The following BTNL9 variants were observed in gnomAD, a reference collection of about 807,000 sequenced individuals.
The protein encoded by BTNL9 is butyrophilin like 9, also known as butyrophilin-like protein 9.
In BTNL9, 45 loss-of-function variants were observed where a neutral mutation model predicts 45.8. That is an observed-to-expected ratio of 0.98 (90% CI 0.77 to 1.26). BTNL9 has a LOEUF of 1.26. BTNL9 is among the 50% of genes most tolerant of loss of function. The probability of loss-of-function intolerance (pLI) is 0.00; values close to 1 mark genes in which losing one functional copy is unlikely to be tolerated. For missense variants in BTNL9, 784 were observed against 729.7 expected, an observed-to-expected ratio of 1.07 and a Z score of -0.86; for synonymous variants, 346 against 330.8, an observed-to-expected ratio of 1.05 and a Z score of -0.50.
Position 181,053,671 on chromosome 5 carries a change from T to C in BTNL9, c.886+170T>C. On this transcript the variant is annotated intron_variant, in intron 6 of 10. Coordinates refer to ENST00000327705, the MANE Select transcript of BTNL9 (RefSeq NM_152547.5). The surrounding 1 kb of genome is among the most constrained non-coding windows in gnomAD (Gnocchi z 6.5). ...TGGGGAAGGGGGAAGATCGTTCATA[T>C]GGACAAAAGCGGAGGTGCGGAACGG... 6.6e-7 allele frequency: 1 copy of C among 1,525,558 alleles called. No homozygotes were observed. Among genetic ancestry groups the C allele is most frequent in the Non-Finnish European group, 8.8e-7 (1 of 1,133,416 alleles). The allele number at this position is 1,525,558 out of a possible 1,614,324, so 94.5% of individuals were successfully genotyped here.
At position 181,048,039 on chromosome 5, in the gene BTNL9, G is replaced by A. The variant is rs377375248; in HGVS notation, c.222G>A (p.Trp74Ter). 6.2e-7 allele frequency: 1 copy of A among 1,613,784 alleles called. No individual in the cohort carries two copies. Among genetic ancestry groups the A allele is most frequent in the South Asian group, 1.1e-5 (1 of 91,068 alleles). Residue 74 changes from tryptophan (W) to a stop codon, truncating the protein, a stop_gained, in exon 3 of 11, where the codon TGG (tryptophan) becomes TGA (stop). Coordinates refer to ENST00000327705, the MANE Select transcript of BTNL9 (RefSeq NM_152547.5). LOFTEE classifies it high-confidence loss of function. Reference sequence around the variant, plus strand: ...ATGCCCAGCAAATGGAGATCCGCTGGTTCCGGAGTCAGACCTTCAATGTGG... The same window carrying A: ...ATGCCCAGCAAATGGAGATCCGCTGATTCCGGAGTCAGACCTTCAATGTGG... ...QLDAQQMEIRWFRSQTFNVVH... is the reference protein window; with the variant it reads ...QLDAQQMEIR
chr5:181,053,285 G>A lies in BTNL9; in HGVS notation c.822G>A (p.Leu274=). 1 of 1,582,594 alleles carries A rather than the reference G, an allele frequency of 6.3e-7. No homozygotes were observed. The highest frequency in any genetic ancestry group is 8.6e-7 in the Non-Finnish European group (1 of 1,166,202). ...TGTTGGTCCTCGCGGCGCTGGCGCT[G>A]GGCGTCCTCCGGAAGCAGCGGAGAA... The part of the protein sequence containing the change: ...PLLLVLAALA[L]GVLRKQRRSR... The change falls in exon 5 of 11, where the codon CTG becomes CTA. Residue 274 remains leucine, a synonymous_variant. Transcript: ENST00000327705. This position sits in a 1 kb window ranked among gnomAD's most constrained non-coding sequence, Gnocchi z 6.5.
At chr5:181,043,542 A>G (rs1475268800) in intron 1 of BTNL9, 1 of 152,172 alleles carries the variant, frequency 6.6e-6, no homozygotes, top group Non-Finnish European at 1.5e-5. Flanking sequence ...TTATGAGCAG[A>G]CCTGTGTCAC....
chr5:181,050,398 TC>T lies in BTNL9; in HGVS notation c.736+31del, dbSNP rs1035179912. 6.8e-6 allele frequency: 11 copies of T among 1,608,584 alleles called. No homozygotes were observed. The African/African-American group carries it at 1.3e-4, about 20-fold the overall frequency. ...AGTGGCTGTTAGCTCACACCCATCT[TC>T]CTAGTCCTCATGTGTACATACACAT... On this transcript the variant is annotated intron_variant, in intron 4 of 10. Transcript: ENST00000327705. This position sits in a 1 kb window ranked among gnomAD's most constrained non-coding sequence, Gnocchi z 4.9.
At chr5:181,041,123 G>A (rs1201407114) in intron 1 of BTNL9, among the ~76,000 whole-genome samples, 3 of 152,212 alleles carry the variant, frequency 2.0e-5, no homozygotes, top group African/African-American at 2.4e-5. Flanking sequence ...GTTTCATAAC[G>A]TGGTCATTTA....
rs1761844216 is a variant in BTNL9 at position 181,055,743 on chromosome 5, T to C, written c.929-246T>C. 1 of 705,210 alleles carries C rather than the reference T, an allele frequency of 1.4e-6. No individual in the cohort carries two copies. The highest frequency in any genetic ancestry group is 1.5e-5 in the South Asian group (1 of 66,784). 43.7% of individuals were successfully genotyped at this position (705,210 alleles called of 1,614,324 possible). A position where few individuals can be genotyped will look rare whatever the true frequency, so the allele number is the denominator to read the frequency against. On this transcript the variant is annotated intron_variant, in intron 8 of 10. Coordinates refer to ENST00000327705, the MANE Select transcript of BTNL9 (RefSeq NM_152547.5). The surrounding 1 kb of genome is among the most constrained non-coding windows in gnomAD (Gnocchi z 4.4). ...GAGATGGCGCCACTGCACTCCAGCCTGGGCGACAGAGCGAGACTCTGTCTC... is the reference window on the plus strand; with the variant it reads ...GAGATGGCGCCACTGCACTCCAGCCCGGGCGACAGAGCGAGACTCTGTCTC...
At position 181,040,363 on chromosome 5, in the gene BTNL9, A is replaced by G. The variant is rs1211316863; in HGVS notation, c.-93A>G. 6.6e-6 allele frequency: 1 copy of G among 151,990 alleles called. No homozygotes were observed. Among genetic ancestry groups the G allele is most frequent in the Admixed American group, 6.6e-5 (1 of 15,248 alleles). The allele number at this position is 151,990 out of a possible 1,614,324, so 9.4% of individuals were successfully genotyped here. A position where few individuals can be genotyped will look rare whatever the true frequency, so the allele number is the denominator to read the frequency against. On this transcript the variant is annotated 5_prime_UTR_variant, in exon 1 of 11. Transcript: ENST00000327705. ...ACCAAGACACTTTACAGCAATCATC[A>G]CCCTTTGCAGAGGAGGTGAGCTCAC...
At chr5:181,048,326 C>A in intron 3 of BTNL9, 55 bp downstream of exon 3, 1 of 1,456,220 alleles carries the variant, frequency 6.9e-7, no homozygotes, top group Non-Finnish European at 9.4e-7. Context: ...GGTGCTTTGC[C>A]AAGTAGAGGT....
intron 9 of BTNL9, among the ~76,000 whole-genome samples, chr5:181,057,538 T>C (rs1172579923): frequency 6.6e-6 from 1 of 152,264 alleles, no homozygotes; most frequent in African/African-American, 2.4e-5. Flanking sequence ...ATGGCTTTTG[T>C]AGTAGCTGAA....
intron 4 of BTNL9, among the ~76,000 whole-genome samples, chr5:181,051,153 C>G (rs1761520207): frequency 1.3e-5 from 2 of 150,432 alleles, no homozygotes; most frequent in Non-Finnish European, 1.5e-5. Flanking sequence ...AGGCTGAAAG[C>G]AGTGAGGCAT....
rs1017820097 is a variant in BTNL9 at position 181,059,810 on chromosome 5, A to T, written c.1556A>T (p.Asp519Val). Residue 519 changes from aspartate (D) to valine (V), a missense_variant, in exon 11 of 11, where the codon GAC becomes GTC. Coordinates refer to ENST00000327705, the MANE Select transcript of BTNL9 (RefSeq NM_152547.5). ...GTGVPEENDSDTWLQPYEPAD... is the reference protein window; with the variant it reads ...GTGVPEENDSVTWLQPYEPAD... ...GGCGTCCCCGAAGAGAACGACAGTG[A>T]CACCTGGCTACAGCCCTATGAGCCC... 6.3e-7 allele frequency: 1 copy of T among 1,599,274 alleles called. No individual in the cohort carries two copies.
At chr5:181,044,531 A>G (rs996891662) in intron 1 of BTNL9, among the ~76,000 whole-genome samples, 1 of 152,202 alleles carries the variant, frequency 6.6e-6, no homozygotes, top group Non-Finnish European at 1.5e-5. Context: ...AGCTCCTAGC[A>G]ACCCATGGGA....
chr5:181,059,584 G>A lies in BTNL9; in HGVS notation c.1330G>A (p.Val444Met), dbSNP rs766239405. ...GCACCGCGTCGCGCTCACCCTGCGCGTGCCCCCGCGGCGCCTGGGCGTCTT... is the reference window on the plus strand; with the variant it reads ...GCACCGCGTCGCGCTCACCCTGCGCATGCCCCCGCGGCGCCTGGGCGTCTT... ...APHRVALTLR[V>M]PPRRLGVFLD... Residue 444 changes from valine (V) to methionine (M), a missense_variant, in exon 11 of 11, where the codon GTG becomes ATG. Val to Met is a conservative substitution (Grantham distance 21). Coordinates refer to ENST00000327705, the MANE Select transcript of BTNL9 (RefSeq NM_152547.5). The A allele has an allele frequency of 7.4e-6, 12 of 1,612,658 alleles. No individual in the cohort carries two copies. Among genetic ancestry groups the A allele is most frequent in the Non-Finnish European group, 1.0e-5 (12 of 1,179,864 alleles).
rs1320005458 is a variant in BTNL9, at chr5:181,059,559, G to A, written c.1305G>A (p.Pro435=). The change falls in exon 11 of 11, where the codon CCG becomes CCA. Residue 435 remains proline (P), a synonymous_variant. Coordinates refer to ENST00000327705, the MANE Select transcript of BTNL9 (RefSeq NM_152547.5). ...GCTGCGAGTACTTCGTCCTGGCCCC[G>A]CACCGCGTCGCGCTCACCCTGCGCG... The part of the protein sequence containing the change: ...WNGCEYFVLA[P]HRVALTLRVP... 3 of 1,610,990 alleles carry A rather than the reference G, an allele frequency of 1.9e-6. No homozygotes were observed. In the South Asian group the frequency reaches 3.3e-5, roughly 18 times the overall value.
chr5:181,053,030 C>A lies in BTNL9; in HGVS notation c.737-170C>A, dbSNP rs1206475724. The A allele has an allele frequency of 3.9e-6, 1 of 259,512 alleles. No individual in the cohort carries two copies. Among genetic ancestry groups the A allele is most frequent in the Non-Finnish European group, 6.8e-6 (1 of 147,398 alleles). The allele number at this position is 259,512 out of a possible 1,614,324, so 16.1% of individuals were successfully genotyped here. On this transcript the variant is annotated intron_variant, in intron 4 of 10. Coordinates refer to ENST00000327705, the MANE Select transcript of BTNL9 (RefSeq NM_152547.5). The surrounding 1 kb of genome is among the most constrained non-coding windows in gnomAD (Gnocchi z 6.5). ...CCGCCCCCTCCGCCGCGCGCGCCCCCGCCCCCTCCGCCGCGCGCGCTCCCG... is the reference window on the plus strand; with the variant it reads ...CCGCCCCCTCCGCCGCGCGCGCCCCAGCCCCCTCCGCCGCGCGCGCTCCCG...
Position 181,050,273 on chromosome 5 carries a change from T to G in BTNL9, c.640T>G (p.Ser214Ala), listed in dbSNP as rs900463576. The change falls in exon 4 of 11, where the codon TCT becomes GCT. Residue 214 changes from serine (S) to alanine (A), a missense_variant. By Grantham distance (99) the Ser-to-Ala change is moderately conservative. Transcript: ENST00000327705. The surrounding 1 kb of genome is among the most constrained non-coding windows in gnomAD (Gnocchi z 4.9). ...CCAGGACCTGTTCAGTCTGGAAACA[T>G]CTGTGGTTGTCCGAGCGGGAGCCCT... ...DAQDLFSLET[S>A]VVVRAGALSN... is the part of the protein sequence containing the mutation. The G allele has an allele frequency of 1.2e-6, 2 of 1,614,124 alleles. No homozygotes were observed. The highest frequency in any genetic ancestry group is 8.5e-7 in the Non-Finnish European group (1 of 1,180,024).
In BTNL9 at chr5:181,045,636, G is replaced by A. The variant is rs376351605; in HGVS notation, c.109+38G>A. 1.2e-3 allele frequency: 1,877 copies of A among 1,514,000 alleles called. 41 individuals are homozygous for A. The highest frequency in any genetic ancestry group is 2.8e-4 in the Non-Finnish European group (302 of 1,091,102). The allele number at this position is 1,514,000 out of a possible 1,614,324, so 93.8% of individuals were successfully genotyped here. A position where few individuals can be genotyped will look rare whatever the true frequency, so the allele number is the denominator to read the frequency against. ...CAGCCTAGCTGGCCAGGATGTGAAC[G>A]CCACCCCTCCTGCCAGGTGCTCCCC... On this transcript the variant is annotated intron_variant, in intron 2 of 10. Coordinates refer to ENST00000327705, the MANE Select transcript of BTNL9 (RefSeq NM_152547.5).
intron 2 of BTNL9, among the ~76,000 whole-genome samples, chr5:181,047,322 AG>A (rs1427617771): frequency 1.3e-5 from 2 of 152,208 alleles, no homozygotes; most frequent in African/African-American, 4.8e-5. Flanking sequence ...TCTCAAAGGA[AG>A]GATTTGGTTG....
intron 2 of BTNL9, among the ~76,000 whole-genome samples, chr5:181,046,779 G>A (rs532902107): frequency 2.0e-5 from 3 of 152,208 alleles, no homozygotes; most frequent in Non-Finnish European, 2.9e-5. Context: ...ATTTGTTCCC[G>A]GAAAGCTGAG....
Sources: gnomAD v4.1 joint callset for allele counts (sites outside exome capture counted in the v4.1 genomes callset) on GRCh38, gnomAD v4.1.1 for gene constraint, Gnocchi (gnomAD v3.1) non-coding constraint, MANE v1.5 for transcripts, NCBI Gene and HGNC (gene_info 2026-07-23, HGNC 2026-07-21) for gene names.